AGBL4: variants seen among roughly 807,000 people sequenced by gnomAD.
AGBL4 encodes cytosolic carboxypeptidase 6.
Under a neutral mutation model 66.4 loss-of-function variants are expected in AGBL4, and 58 were observed. That is an observed-to-expected ratio of 0.87 (90% confidence interval 0.71 to 1.09). AGBL4 has a LOEUF of 1.09. Ranked by LOEUF, AGBL4 falls within the 50% of genes least tolerant of loss-of-function variation. The pLI is 0.00. For synonymous variants in AGBL4, 234 were observed against 222.9 expected (o/e 1.05, Z -0.44); for missense variants, 579 against 631.0 (o/e 0.92, Z 0.88).
chr1:48,764,726 A>G (rs1644447764), intron 6 of AGBL4, among the ~76,000 whole-genome samples: 1 of 152,248 alleles, frequency 6.6e-6, no homozygotes, highest in Non-Finnish European at 1.5e-5. Context: ...CTGCTACCTC[A>G]CTGAGCATAA....
At chr1:49,743,324 A>C (rs1299594705) in intron 2 of AGBL4, among the ~76,000 whole-genome samples, 1 of 152,240 alleles carries the variant, frequency 6.6e-6, no homozygotes, top group African/African-American at 2.4e-5. Flanking sequence ...ACTAGCCATC[A>C]GAGAAATGCA....
chr1:48,854,531 T>A (rs866627397), intron 6 of AGBL4, among the ~76,000 whole-genome samples: 4 of 152,326 alleles, frequency 2.6e-5, no homozygotes, highest in Middle Eastern at 3.4e-3. Context: ...GCTCTCAGGC[T>A]TTATAATTCA....
At chr1:48,627,616 G>T (rs1269657980) in intron 9 of AGBL4, among the ~76,000 whole-genome samples, 2 of 151,772 alleles carry the variant, frequency 1.3e-5, no homozygotes, top group Non-Finnish European at 2.9e-5. Flanking sequence ...GCCCCGTGTT[G>T]CTCTATTTTA....
intron 2 of AGBL4, among the ~76,000 whole-genome samples, chr1:49,807,051 G>A (rs1361302034): frequency 2.0e-5 from 3 of 152,186 alleles, no homozygotes; most frequent in Admixed American, 6.5e-5. Flanking sequence ...GCCTCCCAGA[G>A]TTCTAGGCAT....
At chr1:48,748,636 A>C (rs143230612) in intron 6 of AGBL4, among the ~76,000 whole-genome samples, 1 of 152,306 alleles carries the variant, frequency 6.6e-6, no homozygotes, top group East Asian at 1.9e-4. Context: ...AGTTCTCATA[A>C]GGTGAAGGCA....
At chr1:50,009,606 A>G (rs1396953292) in intron 1 of AGBL4, among the ~76,000 whole-genome samples, 1 of 152,098 alleles carries the variant, frequency 6.6e-6, no homozygotes, top group East Asian at 1.9e-4. Flanking sequence ...AATCTGGAAC[A>G]CAAGGATGCT....
intron 1 of AGBL4, among the ~76,000 whole-genome samples, chr1:49,919,782 A>G (rs575698787): frequency 6.6e-6 from 1 of 152,256 alleles, no homozygotes; most frequent in South Asian, 2.1e-4. Context: ...CATTGCCAAG[A>G]CAATCCTAAG....
At chr1:49,602,566 A>G (rs1356454970) in intron 3 of AGBL4, among the ~76,000 whole-genome samples, 1 of 152,068 alleles carries the variant, frequency 6.6e-6, no homozygotes, top group Non-Finnish European at 1.5e-5. Flanking sequence ...GCTGGAAACC[A>G]TGATTCTCAG....
intron 1 of AGBL4, among the ~76,000 whole-genome samples, chr1:49,961,272 G>T (rs1657099296): frequency 6.6e-6 from 1 of 152,128 alleles, no homozygotes. Flanking sequence ...ACTTTGGGAG[G>T]CTGAGGCAGG....
At chr1:49,773,122 C>T (rs771811104) in intron 2 of AGBL4, among the ~76,000 whole-genome samples, 8 of 152,038 alleles carry the variant, frequency 5.3e-5, no homozygotes, top group African/African-American at 9.7e-5. Flanking sequence ...ACATTGTTGA[C>T]GGTCTCCATT....
In AGBL4 at chr1:49,139,102, G is replaced by A. The variant is rs147948323; in HGVS notation, c.378-93302C>T. Among the ~76,000 whole-genome samples, 239 of 152,006 alleles carry A rather than the reference G, an allele frequency of 1.6e-3. 4 individuals are homozygous for A. Among genetic ancestry groups the A allele is most frequent in the African/African-American group, 5.6e-3 (232 of 41,446 alleles). ...AACTCGCTATCCCAAGAACAGCAAG[G>A]GGCAAATCCACCCTCATGATCCAGT... On this transcript the variant is annotated intron_variant, in intron 4 of 13. Coordinates refer to ENST00000371839, the MANE Select transcript of AGBL4 (RefSeq NM_032785.4).
chr1:49,537,165 A>C (rs564964257), intron 3 of AGBL4, among the ~76,000 whole-genome samples: 6 of 152,336 alleles, frequency 3.9e-5, no homozygotes, highest in Middle Eastern at 3.4e-3. Context: ...TAAAGACTTA[A>C]ATGTAAGACC....
At chr1:49,020,583 C>T (rs1392350553) in intron 5 of AGBL4, among the ~76,000 whole-genome samples, 1 of 152,286 alleles carries the variant, frequency 6.6e-6, no homozygotes, top group African/African-American at 2.4e-5. Context: ...GGCCCTCAGA[C>T]TGCATGGCAG....
intron 3 of AGBL4, among the ~76,000 whole-genome samples, chr1:49,401,608 C>A (rs1240949267): frequency 2.6e-5 from 4 of 152,132 alleles, no homozygotes; most frequent in Non-Finnish European, 5.9e-5. Context: ...AAAATTTTTG[C>A]ATCAATCTTC....
intron 6 of AGBL4, among the ~76,000 whole-genome samples, chr1:48,801,594 A>G (rs956312691): frequency 1.3e-5 from 2 of 152,150 alleles, no homozygotes; most frequent in Admixed American, 6.5e-5. Flanking sequence ...TTTCAGCTCT[A>G]GGTAAGGTTA....
chr1:49,320,047 T>A (rs771602756), intron 3 of AGBL4, among the ~76,000 whole-genome samples: 2 of 152,072 alleles, frequency 1.3e-5, no homozygotes, highest in Non-Finnish European at 2.9e-5. Context: ...TCCTTCCACC[T>A]CCATCTCCCG....
At chr1:49,612,553 T>G (rs150513232) in intron 3 of AGBL4, among the ~76,000 whole-genome samples, 1 of 152,114 alleles carries the variant, frequency 6.6e-6, no homozygotes, top group African/African-American at 2.4e-5. Flanking sequence ...ATAATCCAAT[T>G]AAAAAGTGGG....
intron 1 of AGBL4, among the ~76,000 whole-genome samples, chr1:49,864,569 G>A (rs188009245): frequency 2.6e-5 from 4 of 152,256 alleles, no homozygotes; most frequent in Admixed American, 6.5e-5. Flanking sequence ...CAGCTACACA[G>A]GGCAAGGGGA....
intron 3 of AGBL4, among the ~76,000 whole-genome samples, chr1:49,280,609 A>T (rs147186820): frequency 6.6e-6 from 1 of 152,362 alleles, no homozygotes; most frequent in Non-Finnish European, 1.5e-5. Flanking sequence ...TTCAAGGGCC[A>T]GAGGTAGATA....
Sources: allele counts gnomAD v4.1 joint callset (sites outside exome capture counted in the v4.1 genomes callset), GRCh38; gene constraint gnomAD v4.1.1; transcripts MANE v1.5; gene names NCBI Gene and HGNC (gene_info 2026-07-23, HGNC 2026-07-21).